The following ATP8A1 variants were observed in gnomAD, a reference collection of about 807,000 sequenced individuals.
ATP8A1 encodes the protein ATPase phospholipid transporting 8A1, also known as phospholipid-transporting ATPase IA.
ATP8A1 carries 90 observed loss-of-function variants against 177.7 expected under a neutral mutation model. That is an observed-to-expected ratio of 0.51 (90% CI 0.43 to 0.60). The LOEUF (loss-of-function observed/expected upper bound fraction) is 0.60, where lower values mean the gene tolerates loss of function less well. Among genes scored for constraint, ATP8A1 ranks in the 20% least tolerant of loss-of-function variants. The pLI, the probability that ATP8A1 is intolerant of heterozygous loss-of-function variation, is 0.00. For missense variants in ATP8A1, 1,072 were observed against 1,392.8 expected, an observed-to-expected ratio of 0.77 and a Z score of 3.67; for synonymous variants, 493 against 485.9, an observed-to-expected ratio of 1.01 and a Z score of -0.19.
intron 20 of ATP8A1, among the ~76,000 whole-genome samples, chr4:42,539,951 G>C (rs1728219637): frequency 6.6e-6 from 1 of 151,982 alleles, no homozygotes; most frequent in African/African-American, 2.4e-5. Context: ...TCACAAATGG[G>C]ATTATATTAA....
chr4:42,601,040 T>C (rs11733016), intron 5 of ATP8A1, among the ~76,000 whole-genome samples: 12 of 97,746 alleles, frequency 1.2e-4, no homozygotes, highest in Non-Finnish European at 2.3e-4. Context: ...TTTCTTTTTT[T>C]TTTTTTTTTT....
intron 1 of ATP8A1, among the ~76,000 whole-genome samples, chr4:42,655,738 C>T (rs1276606050): frequency 1.3e-5 from 2 of 152,076 alleles, no homozygotes; most frequent in Admixed American, 6.5e-5. Flanking sequence ...TTTCAGGGAC[C>T]CTATTTTTAC....
intron 33 of ATP8A1, among the ~76,000 whole-genome samples, chr4:42,424,612 T>C (rs933212090): frequency 6.6e-6 from 1 of 152,206 alleles, no homozygotes; most frequent in East Asian, 1.9e-4. Context: ...TTAATTATTC[T>C]AGGCAATTTC....
chr4:42,447,097 T>C (rs886241004), intron 30 of ATP8A1, among the ~76,000 whole-genome samples: 1 of 152,236 alleles, frequency 6.6e-6, no homozygotes. Flanking sequence ...GTTTCAGGCA[T>C]GTGGTTCTTT....
chr4:42,520,902 G>A (rs1012267607), intron 22 of ATP8A1, among the ~76,000 whole-genome samples: 2 of 152,114 alleles, frequency 1.3e-5, no homozygotes, highest in Non-Finnish European at 2.9e-5. Context: ...TGAGGAGACA[G>A]GACACCAATA....
Position 42,503,522 on chromosome 4 carries a change from C to A in ATP8A1, c.2087-8G>T. ...ACAGTTTGCAGGAGTGTCCTGTATC[C>A]AAACACAGAGTATATTAAAATTAAT... On this transcript the variant is annotated splice_polypyrimidine_tract_variant and splice_region_variant and intron_variant, in intron 23 of 36. Coordinates refer to ENST00000381668, the MANE Select transcript of ATP8A1 (RefSeq NM_006095.2). 6.4e-7 allele frequency: 1 copy of A among 1,573,506 alleles called. No individual in the cohort carries two copies. The highest frequency in any genetic ancestry group is 8.7e-7 in the Non-Finnish European group (1 of 1,149,922).
chr4:42,567,015 T>C (rs923633265), intron 15 of ATP8A1, among the ~76,000 whole-genome samples: 1 of 152,236 alleles, frequency 6.6e-6, no homozygotes, highest in Middle Eastern at 3.2e-3. Context: ...ACTATTATTA[T>C]CTACATTCTT....
In ATP8A1 at chr4:42,513,074, C is replaced by A. The variant is rs12650409; in HGVS notation, c.1948-5920G>T. Among the ~76,000 whole-genome samples the A allele has an allele frequency of 2.1e-4, 32 of 152,336 alleles. No homozygotes were observed. The East Asian group carries it at 5.2e-3, about 25-fold the overall frequency. On this transcript the variant is annotated intron_variant, in intron 22 of 36. Transcript: ENST00000381668. The stretch of plus-strand genomic sequence containing the variant: ...GCAGTGGGTGGATTTAGCCCTTGAA[C>A]TGGAGTTTGCAACTCCTGATGTAGA...
chr4:42,421,620 G>A lies in ATP8A1; in HGVS notation c.3305+1187C>T, dbSNP rs115584747. Among the ~76,000 whole-genome samples the A allele has an allele frequency of 8.1e-3, 1,232 of 152,220 alleles. 13 individuals carry two copies. The highest frequency in any genetic ancestry group is 0.027 in the African/African-American group (1,125 of 41,526). On this transcript the variant is annotated intron_variant, in intron 35 of 36. Transcript: ENST00000381668. ...TATTTTCAAAAAAGTGGCACACACT[G>A]GTGTGTGATGTGTTCCTTCAGCATA... is the stretch of plus-strand genomic sequence containing the variant.
At chr4:42,445,317 G>A (rs1312673794) in intron 31 of ATP8A1, among the ~76,000 whole-genome samples, 1 of 152,122 alleles carries the variant, frequency 6.6e-6, no homozygotes, top group Non-Finnish European at 1.5e-5. Context: ...TGTGGTTAAT[G>A]AACAAAGCAA....
intron 25 of ATP8A1, among the ~76,000 whole-genome samples, chr4:42,483,054 G>A (rs1475363518): frequency 1.3e-5 from 2 of 152,176 alleles, no homozygotes; most frequent in African/African-American, 4.8e-5. Flanking sequence ...GAGAAACGAG[G>A]AGTGACACTT....
At chr4:42,548,701 C>G (rs1407398624) in intron 19 of ATP8A1, among the ~76,000 whole-genome samples, 5 of 152,106 alleles carry the variant, frequency 3.3e-5, no homozygotes, top group African/African-American at 1.2e-4. Flanking sequence ...TATCCCTTCC[C>G]CTCCCACTCA....
intron 12 of ATP8A1, among the ~76,000 whole-genome samples, chr4:42,577,141 T>TA (rs1355414704): frequency 6.6e-6 from 1 of 152,208 alleles, no homozygotes; most frequent in African/African-American, 2.4e-5. Context: ...ATACTAAAAT[T>TA]ATATAATTCT....
chr4:42,531,380 C>T (rs1011653917), intron 20 of ATP8A1, among the ~76,000 whole-genome samples: 3 of 152,188 alleles, frequency 2.0e-5, no homozygotes, highest in African/African-American at 7.2e-5. Context: ...TCAACAATAC[C>T]AGTTACGACT....
Position 42,579,862 on chromosome 4 carries a change from G to A in ATP8A1, c.951C>T (p.Ala317=). Residue 317 remains alanine, a synonymous_variant, in exon 11 of 37, where the codon GCC becomes GCT. Transcript: ENST00000381668. ...TTCCAGAATGCCTTCGATTCCAAAT[G>A]GCTGAGCCCACAGAACAGACAAGAG... is the stretch of plus-strand genomic sequence containing the variant. The part of the protein sequence containing the change: ...AMSLVCSVGS[A]IWNRRHSGKD... 6.2e-7 allele frequency: 1 copy of A among 1,613,750 alleles called. No homozygotes were observed. The highest frequency in any genetic ancestry group is 8.5e-7 in the Non-Finnish European group (1 of 1,179,840).
Position 42,440,335 on chromosome 4 carries a change from G to GT in ATP8A1, c.3123+3229dup, listed in dbSNP as rs35291607. ...GACACTTCCCTCTCAAGCTCCTCCAGTTTTTTTTTTTTTTTTTTTTTAATC... is the reference window on the plus strand; with the variant it reads ...GACACTTCCCTCTCAAGCTCCTCCAGTTTTTTTTTTTTTTTTTTTTTTAATC... On this transcript the variant is annotated intron_variant, in intron 33 of 36. Transcript: ENST00000381668. Among the ~76,000 whole-genome samples the GT allele has an allele frequency of 6.2e-3, 846 of 135,448 alleles. 3 individuals carry two copies. The highest frequency in any genetic ancestry group is 0.014 in the African/African-American group (507 of 36,806). 88.9% of individuals were successfully genotyped at this position (135,448 alleles called of 152,430 possible). A position where few individuals can be genotyped will look rare whatever the true frequency, so the allele number is the denominator to read the frequency against.
chr4:42,591,585 C>G (rs75655405), intron 6 of ATP8A1, among the ~76,000 whole-genome samples: 1,698 of 152,074 alleles, frequency 0.011, 27 homozygotes, highest in African/African-American at 0.038. Context: ...GCCTTTGAAT[C>G]CAGAGAAATT....
At chr4:42,597,954 T>C (rs1055427974) in intron 6 of ATP8A1, among the ~76,000 whole-genome samples, 2 of 152,170 alleles carry the variant, frequency 1.3e-5, no homozygotes, top group African/African-American at 4.8e-5. Flanking sequence ...ATCATATTTC[T>C]GGTTTACTGT....
chr4:42,582,609 C>T lies in ATP8A1; in HGVS notation c.723-877G>A, dbSNP rs111946169. Among the ~76,000 whole-genome samples, 806 of 151,298 alleles carry T rather than the reference C, an allele frequency of 5.3e-3. 12 individuals are homozygous for T. Among genetic ancestry groups the T allele is most frequent in the African/African-American group, 0.018 (750 of 41,192 alleles). ...CAGATCTCACCACTTATTTGCATTG[C>T]CAGCCCTGACCCCCTACAGACAAGT... is the stretch of plus-strand genomic sequence containing the variant. On this transcript the variant is annotated intron_variant, in intron 9 of 36. Transcript: ENST00000381668.
Sources: allele counts gnomAD v4.1 joint callset (sites outside exome capture counted in the v4.1 genomes callset), GRCh38; gene constraint gnomAD v4.1.1; transcripts MANE v1.5; gene names NCBI Gene and HGNC (gene_info 2026-07-23, HGNC 2026-07-21).